The following USP46 variants were observed in gnomAD, a reference collection of about 807,000 sequenced individuals.
USP46 encodes the protein ubiquitin carboxyl-terminal hydrolase 46.
USP46 carries 12 observed loss-of-function variants against 44.4 expected under a neutral mutation model. The observed-to-expected ratio is 0.27, with a 90% CI of 0.17 to 0.44. The LOEUF is 0.44. USP46 is among the 20% of genes least tolerant of loss of function. USP46 has a pLI of 1.00. For missense variants in USP46, 248 were observed against 444.8 expected, an observed-to-expected ratio of 0.56 and a Z score of 3.98; for synonymous variants, 155 against 161.5, an observed-to-expected ratio of 0.96 and a Z score of 0.31.
chr4:52,594,348 A>G lies in USP46; in HGVS notation c.*3292T>C, dbSNP rs1716143660. ...AAACTACAATATTTTTAGCAACAAA[A>G]TAATAGGAATGCCACACAAATACAG... On this transcript the variant is annotated 3_prime_UTR_variant, in exon 9 of 9. Transcript: ENST00000441222. The G allele has an allele frequency of 6.6e-6, 1 of 152,256 alleles. No homozygotes were observed. The highest frequency in any genetic ancestry group is 2.1e-4 in the South Asian group (1 of 4,834). The allele number at this position is 152,256 out of a possible 1,614,324, so 9.4% of individuals were successfully genotyped here.
At chr4:52,609,679 CAG>C (rs1281821704) in intron 5 of USP46, among the ~76,000 whole-genome samples, 2 of 151,948 alleles carry the variant, frequency 1.3e-5, no homozygotes, top group Non-Finnish European at 1.5e-5. Flanking sequence ...TGATGTAAAA[CAG>C]GGGATGGGGA....
At chr4:52,632,990 A>AAAGAAAGAAAGAAAGAAAAGAAAG in intron 1 of USP46, among the ~76,000 whole-genome samples, 4 of 66,294 alleles carry the variant, frequency 6.0e-5, no homozygotes, top group Admixed American at 3.2e-4. Context: ...GAAAGAAAAG[A>AAAGAAAGAAAGAAAGAAAAGAAAG]AAAGAAAGAA....
chr4:52,636,265 G>A (rs572442140), intron 1 of USP46, among the ~76,000 whole-genome samples: 1 of 152,190 alleles, frequency 6.6e-6, no homozygotes, highest in African/African-American at 2.4e-5. Context: ...AAGGTAGGCA[G>A]CCTTTGGAAA....
intron 7 of USP46, among the ~76,000 whole-genome samples, chr4:52,599,372 G>A (rs1333289570): frequency 1.3e-5 from 2 of 152,078 alleles, no homozygotes; most frequent in Non-Finnish European, 2.9e-5. Flanking sequence ...CACTTGGTGT[G>A]TTCAGGAAGA....
chr4:52,645,744 G>T (rs1362994279), intron 1 of USP46, among the ~76,000 whole-genome samples: 3 of 152,116 alleles, frequency 2.0e-5, no homozygotes, highest in African/African-American at 7.2e-5. Flanking sequence ...ATATGGTTTG[G>T]CTCTGTGTCC....
intron 5 of USP46, among the ~76,000 whole-genome samples, chr4:52,609,952 G>GTT (rs1716874839): frequency 3.6e-4 from 26 of 71,696 alleles, no homozygotes; most frequent in Non-Finnish European, 5.2e-4. Flanking sequence ...TTGAGGCGGA[G>GTT]TTTCGCTCTG....
At chr4:52,609,008 T>G (rs1187455066) in intron 5 of USP46, among the ~76,000 whole-genome samples, 2 of 152,180 alleles carry the variant, frequency 1.3e-5, no homozygotes, top group Non-Finnish European at 2.9e-5. Context: ...AGTTTAAGTT[T>G]TTGCCTGAGG....
chr4:52,632,918 G>GAGAGAGAA (rs1717900276), intron 1 of USP46, among the ~76,000 whole-genome samples: 1 of 35,176 alleles, frequency 2.8e-5, no homozygotes, highest in African/African-American at 8.0e-5. Flanking sequence ...AAGAAAGAAA[G>GAGAGAGAA]AGAAAGAAAG....
intron 1 of USP46, among the ~76,000 whole-genome samples, chr4:52,639,052 C>A (rs1054299104): frequency 6.6e-6 from 1 of 152,176 alleles, no homozygotes; most frequent in Non-Finnish European, 1.5e-5. Context: ...AATCTTTGTG[C>A]ATCCTTAACA....
chr4:52,622,575 G>A (rs1443132070), intron 4 of USP46, among the ~76,000 whole-genome samples: 8 of 152,096 alleles, frequency 5.3e-5, no homozygotes, highest in South Asian at 2.1e-4. Context: ...AAGCAAGACC[G>A]ACACTATCCC....
chr4:52,637,537 G>A (rs1402869009), intron 1 of USP46, among the ~76,000 whole-genome samples: 1 of 151,968 alleles, frequency 6.6e-6, no homozygotes, highest in Non-Finnish European at 1.5e-5. Context: ...AAAACCTATG[G>A]GTCATGCCGA....
At chr4:52,652,755 T>A (rs1359876960) in intron 1 of USP46, among the ~76,000 whole-genome samples, 1 of 152,064 alleles carries the variant, frequency 6.6e-6, no homozygotes, top group Non-Finnish European at 1.5e-5. Context: ...TGCAGAATAG[T>A]GGTCACTCTG....
rs1180012433 is a variant in USP46 at position 52,594,286 on chromosome 4, C to T, written c.*3354G>A. ...TTGCTTAAAGTGCTTGAATTGGTTA[C>T]ATTTTAAAAAATTAAGGTACAGATT... On this transcript the variant is annotated 3_prime_UTR_variant, in exon 9 of 9. Transcript: ENST00000441222. The T allele has an allele frequency of 6.6e-6, 1 of 152,088 alleles. No homozygotes were observed. Among genetic ancestry groups the T allele is most frequent in the Non-Finnish European group, 1.5e-5 (1 of 68,018 alleles). The allele number at this position is 152,088 out of a possible 1,614,324, so 9.4% of individuals were successfully genotyped here.
At chr4:52,627,824 C>T in intron 3 of USP46, 126 bp downstream of exon 3, 1 of 1,051,618 alleles carries the variant, frequency 9.5e-7, no homozygotes, top group Non-Finnish European at 1.3e-6. Context: ...AAAAATGACA[C>T]CGAGTAGTTA....
chr4:52,619,263 G>A (rs560059769), intron 4 of USP46, among the ~76,000 whole-genome samples: 22 of 150,656 alleles, frequency 1.5e-4, no homozygotes, highest in African/African-American at 4.9e-4. Context: ...CATTTGCACT[G>A]CAATCATAAG....
At chr4:52,620,291 G>C (rs1180002073) in intron 4 of USP46, among the ~76,000 whole-genome samples, 1 of 152,154 alleles carries the variant, frequency 6.6e-6, no homozygotes, top group African/African-American at 2.4e-5. Flanking sequence ...AGTAAAGATG[G>C]ATTTAGCAAC....
chr4:52,635,948 GCTTT>G (rs1256967386), intron 1 of USP46, among the ~76,000 whole-genome samples: 4 of 152,108 alleles, frequency 2.6e-5, no homozygotes, highest in East Asian at 3.8e-4. Flanking sequence ...GGTTCACTGT[GCTTT>G]CTGTTTATTT....
At chr4:52,617,689 G>A (rs1297903335) in intron 4 of USP46, among the ~76,000 whole-genome samples, 2 of 152,156 alleles carry the variant, frequency 1.3e-5, no homozygotes, top group Non-Finnish European at 2.9e-5. Flanking sequence ...GGGGCGTGGA[G>A]GAAGGGTGTT....
chr4:52,606,663 A>G (rs763478481), intron 5 of USP46, among the ~76,000 whole-genome samples: 1 of 152,212 alleles, frequency 6.6e-6, no homozygotes, highest in Non-Finnish European at 1.5e-5. Flanking sequence ...CAGCCAAACC[A>G]TATCAGGCAG....
Sources: gnomAD v4.1 joint callset for allele counts (sites outside exome capture counted in the v4.1 genomes callset) on GRCh38, gnomAD v4.1.1 for gene constraint, MANE v1.5 for transcripts, NCBI Gene and HGNC (gene_info 2026-07-23, HGNC 2026-07-21) for gene names.